Variants in AGRN observed in about 807,000 individuals in gnomAD.
The protein encoded by AGRN is agrin proteoglycan.
Under a neutral mutation model 211.0 loss-of-function variants are expected in AGRN, and 106 were observed. The ratio of observed to expected loss-of-function variants is 0.50; its 90% CI spans 0.43 to 0.59. The LOEUF (loss-of-function observed/expected upper bound fraction) is 0.59, where lower values mean the gene tolerates loss of function less well. Among genes scored for constraint, AGRN ranks in the 20% least tolerant of loss-of-function variants. The probability of loss-of-function intolerance (pLI) is 0.00; values close to 1 mark genes in which losing one functional copy is unlikely to be tolerated. For missense variants in AGRN, 3,040 were observed against 2,982.6 expected (o/e 1.02, Z -0.45); for synonymous variants, 1,525 against 1,332.5 (o/e 1.14, Z -3.15).
rs1266491930 is a variant in AGRN at position 1,049,975 on chromosome 1, T to A, written c.4817T>A (p.Leu1606Gln). 8 of 1,593,546 alleles carry A rather than the reference T, an allele frequency of 5.0e-6. No individual in the cohort carries two copies. Among genetic ancestry groups the A allele is most frequent in the Non-Finnish European group, 6.8e-6 (8 of 1,169,342 alleles). Reference sequence around the variant, plus strand: ...CATGGGGCGGCGCCCTGCCGTGTGCTGCCCGAGGGTGGTGCTCAGTGCGAG... The same window carrying A: ...CATGGGGCGGCGCCCTGCCGTGTGCAGCCCGAGGGTGGTGCTCAGTGCGAG... ...PCHGAAPCRV[L>Q]PEGGAQCECP... Residue 1606 changes from leucine (L) to glutamine (Q), a missense_variant, in exon 27 of 36, where the codon CTG becomes CAG. Around this residue, in one of 3 missense-constraint regions of AGRN, gnomAD observed 1,537 missense variants for 1,505.0 expected, o/e 1.02. Transcript: ENST00000379370.
Position 1,050,236 on chromosome 1 carries a change from CG to C in AGRN, c.4887del (p.Gln1630ArgfsTer19). On this transcript the variant is annotated frameshift_variant, in exon 28 of 36. Coordinates refer to ENST00000379370, the MANE Select transcript of AGRN (RefSeq NM_198576.4). LOFTEE classifies it high-confidence loss of function. ...GCCTTGGTGACTCTCCCTACAGCCT[CG>C]GGGCAGGACGGCTCTGGGCCCTTCC... ...GREGTFCQTA[S>X]GQDGSGPFLA... is the part of the protein sequence containing the mutation. The C allele has an allele frequency of 6.2e-7, 1 of 1,613,078 alleles. No homozygotes were observed. Among genetic ancestry groups the C allele is most frequent in the Non-Finnish European group, 8.5e-7 (1 of 1,179,926 alleles).
At chr1:1,035,181 G>T (rs77767179) in intron 2 of AGRN, 96 bp from the exon 3 acceptor site, 8 of 1,064,176 alleles carry the variant, frequency 7.5e-6, no homozygotes, top group Middle Eastern at 3.0e-4. Flanking sequence ...GGGGGGGGGG[G>T]GTGGGCAGGG....
rs1644930222 is a variant in AGRN at position 1,041,344 on chromosome 1, G to A, written c.899G>A (p.Arg300His). The A allele has an allele frequency of 2.6e-6, 4 of 1,529,744 alleles. No individual in the cohort carries two copies. Among genetic ancestry groups the A allele is most frequent in the African/African-American group, 1.4e-5 (1 of 72,560 alleles). The allele number at this position is 1,529,744 out of a possible 1,614,324, so 94.8% of individuals were successfully genotyped here. A position where few individuals can be genotyped will look rare whatever the true frequency, so the allele number is the denominator to read the frequency against. ...TACCCCGGCGAGTGCCAGCTCCTGC[G>A]CCGCGCCTGCGCCCGCCAGGAGAAT... ...ADYPGECQLL[R>H]RACARQENVF... The change falls in exon 5 of 36, where the codon CGC becomes CAC. Residue 300 changes from arginine to histidine, a missense_variant. By Grantham distance (29) the Arg-to-His change is conservative. Coordinates refer to ENST00000379370, the MANE Select transcript of AGRN (RefSeq NM_198576.4).
At chr1:1,044,783 G>A (rs28640190) in intron 12 of AGRN, among the ~76,000 whole-genome samples, 2,101 of 152,304 alleles carry the variant, frequency 0.014, 35 homozygotes, top group African/African-American at 0.034. Context: ...TGTGATGCGC[G>A]TGCACAGATG....
intron 33 of AGRN, chr1:1,052,260 A>G (rs1645316975): frequency 2.8e-6 from 1 of 362,438 alleles, no homozygotes; most frequent in Non-Finnish European, 5.4e-6. Flanking sequence ...ACCTGTGCGC[A>G]TATGCATGCA....
chr1:1,050,468 C>G lies in AGRN; in HGVS notation c.5018C>G (p.Pro1673Arg), dbSNP rs1483381780. ...ALEVVFLARGPSGLLLYNGQK... is the reference protein window; with the variant it reads ...ALEVVFLARGRSGLLLYNGQK... ...GAGGTCGTGTTCCTGGCACGAGGCC[C>G]CAGCGGCCTCCTGCTCTACAACGGG... is the stretch of plus-strand genomic sequence containing the variant. Residue 1673 changes from proline to arginine, a missense_variant, in exon 29 of 36, where the codon CCC becomes CGC. Transcript: ENST00000379370. 6.2e-7 allele frequency: 1 copy of G among 1,612,900 alleles called. No individual in the cohort carries two copies. The highest frequency in any genetic ancestry group is 1.7e-5 in the Admixed American group (1 of 59,988).
At position 1,051,623 on chromosome 1, in the gene AGRN, C is replaced by A; in HGVS notation, c.5541C>A (p.Phe1847Leu). 1 of 1,610,710 alleles carries A rather than the reference C, an allele frequency of 6.2e-7. No individual in the cohort carries two copies. Among genetic ancestry groups the A allele is most frequent in the Non-Finnish European group, 8.5e-7 (1 of 1,178,480 alleles). Residue 1847 changes from phenylalanine (F) to leucine (L), a missense_variant, in exon 32 of 36, where the codon TTC becomes TTA. Phe to Leu is a conservative substitution (Grantham distance 22). Transcript: ENST00000379370. ...AAYVCLCPGGFSGPHCEKGLV... is the reference protein window; with the variant it reads ...AAYVCLCPGGLSGPHCEKGLV... The stretch of plus-strand genomic sequence containing the variant: ...ATGTGTGCCTGTGTCCCGGGGGATT[C>A]TCAGGACCGCACTGCGAGAAGGGTG...
intron 1 of AGRN, among the ~76,000 whole-genome samples, chr1:1,020,809 C>T (rs1644381509): frequency 6.8e-6 from 1 of 146,122 alleles, no homozygotes; most frequent in Non-Finnish European, 1.5e-5. Flanking sequence ...GCCTGAGCTC[C>T]CAACCCCGGG....
intron 1 of AGRN, among the ~76,000 whole-genome samples, chr1:1,020,857 G>GGT (rs1644385595): frequency 1.3e-5 from 2 of 148,444 alleles, no homozygotes; most frequent in African/African-American, 2.5e-5. Flanking sequence ...CGGGGGGGGG[G>GGT]CGTGCAGGAG....
At chr1:1,052,510 TGTCC>T (rs1226807916) in intron 33 of AGRN, 2 of 217,926 alleles carry the variant, frequency 9.2e-6, no homozygotes, top group Non-Finnish European at 1.8e-5. Flanking sequence ...TGCAGGTATG[TGTCC>T]GTGTGTGTGT....
Position 1,045,965 on chromosome 1 carries a change from C to G in AGRN, c.2682C>G (p.Asp894Glu), listed in dbSNP as rs118105080. 1 of 1,613,472 alleles carries G rather than the reference C, an allele frequency of 6.2e-7. No individual in the cohort carries two copies. The highest frequency in any genetic ancestry group is 1.3e-5 in the African/African-American group (1 of 74,906). Reference protein sequence around the residue: ...RALGPAGCEADASAPATCAEM... With the variant: ...RALGPAGCEAEASAPATCAEM... Reference sequence around the variant, plus strand: ...AGGTTTCCCATGCCCGTGCCCCAGACGCTTCTGCGCCTGCGACCTGTGCGG... The same window carrying G: ...AGGTTTCCCATGCCCGTGCCCCAGAGGCTTCTGCGCCTGCGACCTGTGCGG... The change falls in exon 16 of 36, where the codon GAC (aspartate) becomes GAG (glutamate). Residue 894 changes from aspartate (D) to glutamate (E), a missense_variant and splice_region_variant. By Grantham distance (45) the Asp-to-Glu change is conservative (BLOSUM62 2). Coordinates refer to ENST00000379370, the MANE Select transcript of AGRN (RefSeq NM_198576.4).
chr1:1,047,112 G>A (rs1303057910), intron 19 of AGRN, 155 bp downstream of exon 19: 15 of 1,392,212 alleles, frequency 1.1e-5, no homozygotes, highest in African/African-American at 7.2e-5. Context: ...CGCCTAACCC[G>A]TCTCTCTCGT....
At position 1,022,295 on chromosome 1, in the gene AGRN, A is replaced by G. The variant is rs753197728; in HGVS notation, c.296A>G (p.Asp99Gly). 1 of 1,612,848 alleles carries G rather than the reference A, an allele frequency of 6.2e-7. No homozygotes were observed. The highest frequency in any genetic ancestry group is 8.5e-7 in the Non-Finnish European group (1 of 1,179,900). The change falls in exon 2 of 36, where the codon GAC (aspartate) becomes GGC (glycine). Residue 99 changes from aspartate (D) to glycine (G), a missense_variant. Asp to Gly is a moderately conservative substitution (Grantham distance 94). This residue lies in a region of AGRN where 1,498 missense variants were observed against 1,457.8 expected (regional missense o/e 1.03). Coordinates refer to ENST00000379370, the MANE Select transcript of AGRN (RefSeq NM_198576.4). ...GNKVVISGFGDPLICDNQVST... is the reference protein window; with the variant it reads ...GNKVVISGFGGPLICDNQVST... Reference sequence around the variant, plus strand: ...AAGGTGGTGATCAGCGGCTTTGGAGACCCCCTCATCTGTGACAACCAGGTG... The same window carrying G: ...AAGGTGGTGATCAGCGGCTTTGGAGGCCCCCTCATCTGTGACAACCAGGTG...
chr1:1,047,791 C>T lies in AGRN; in HGVS notation c.3647C>T (p.Ala1216Val), dbSNP rs746659309. The stretch of plus-strand genomic sequence containing the variant: ...TCCTCCCCAGCCACAGCCTTCAGGG[C>T]ACCCGACGTGGCCCGGGCCCTGCTC... The part of the protein sequence containing the change: ...VHFDPTTAFR[A>V]PDVARALLRQ... Residue 1216 changes from alanine to valine, a missense_variant, in exon 22 of 36, where the codon GCA (alanine) becomes GTA (valine). Coordinates refer to ENST00000379370, the MANE Select transcript of AGRN (RefSeq NM_198576.4). 1.2e-6 allele frequency: 2 copies of T among 1,606,058 alleles called. No homozygotes were observed. The highest frequency in any genetic ancestry group is 2.2e-5 in the South Asian group (2 of 90,324).
chr1:1,054,163 C>G (rs1202044110), intron 34 of AGRN, among the ~76,000 whole-genome samples, 186 bp downstream of exon 34: 1 of 152,232 alleles, frequency 6.6e-6, no homozygotes, highest in African/African-American at 2.4e-5. Flanking sequence ...TCAGTTTCCA[C>G]GTCTGAAAGG....
At chr1:1,033,347 A>AC (rs1644715408) in intron 2 of AGRN, among the ~76,000 whole-genome samples, 1 of 151,546 alleles carries the variant, frequency 6.6e-6, no homozygotes, top group African/African-American at 2.4e-5. Flanking sequence ...CCGCGGGCGC[A>AC]GACACTCGCG....
At chr1:1,035,113 C>G in intron 2 of AGRN, 164 bp from the exon 3 acceptor site, 1 of 798,016 alleles carries the variant, frequency 1.3e-6, no homozygotes, top group South Asian at 1.5e-5. Flanking sequence ...AGACCTCAGC[C>G]AGCCCATGGG....
chr1:1,035,235 C>G (rs770491815), intron 2 of AGRN, 42 bp from the exon 3 acceptor site: 2 of 1,609,300 alleles, frequency 1.2e-6, no homozygotes, highest in Admixed American at 1.7e-5. Context: ...CAGGGAGGAG[C>G]CTGCTCAGAG....
chr1:1,047,050 G>T lies in AGRN; in HGVS notation c.3388+93G>T, dbSNP rs1321714344. On this transcript the variant is annotated intron_variant, in intron 19 of 35. Coordinates refer to ENST00000379370, the MANE Select transcript of AGRN (RefSeq NM_198576.4). ...CCTGGGCAGCAGGTCAGTGCCGGGG[G>T]TTATGGTCTTGGGACTCGGCCCCCT... 3.7e-5 allele frequency: 56 copies of T among 1,529,980 alleles called. No homozygotes were observed. The East Asian group carries it at 5.7e-4, about 15-fold the overall frequency. The allele number at this position is 1,529,980 out of a possible 1,614,324, so 94.8% of individuals were successfully genotyped here.
Sources: gnomAD v4.1 joint callset for allele counts (sites outside exome capture counted in the v4.1 genomes callset) on GRCh38, gnomAD v4.1.1 for gene constraint, gnomAD v4.1.1 regional missense constraint, MANE v1.5 for transcripts, NCBI Gene and HGNC (gene_info 2026-07-23, HGNC 2026-07-21) for gene names.